The following TRAM2 variants were observed in gnomAD, a reference collection of about 807,000 sequenced individuals.
TRAM2 encodes the protein translocation associated membrane protein 2, also known as translocating chain-associated membrane protein 2.
TRAM2 carries 12 observed loss-of-function variants against 51.0 expected under a neutral mutation model. The observed-to-expected ratio is 0.24, with a 90% CI of 0.15 to 0.38. TRAM2 has a LOEUF of 0.38. Ranked by LOEUF, TRAM2 falls within the 10% of genes least tolerant of loss-of-function variation. TRAM2 has a pLI of 1.00. For missense variants in TRAM2, 361 were observed against 462.0 expected (o/e 0.78, Z 2.00); for synonymous variants, 175 against 179.4 (o/e 0.98, Z 0.20).
chr6:52,543,545 A>T (rs1767142683), intron 1 of TRAM2, among the ~76,000 whole-genome samples: 1 of 152,208 alleles, frequency 6.6e-6, no homozygotes, highest in African/African-American at 2.4e-5. Context: ...TAACATAAAA[A>T]AGAAAGGATT....
At chr6:52,546,109 G>C (rs779459792) in intron 1 of TRAM2, among the ~76,000 whole-genome samples, 3 of 152,134 alleles carry the variant, frequency 2.0e-5, no homozygotes, top group Non-Finnish European at 4.4e-5. Context: ...CACCAGCAAC[G>C]TTCTACCTGA....
At chr6:52,549,787 C>T (rs952805375) in intron 1 of TRAM2, among the ~76,000 whole-genome samples, 5 of 152,108 alleles carry the variant, frequency 3.3e-5, no homozygotes, top group Non-Finnish European at 4.4e-5. Flanking sequence ...GCATTTAATG[C>T]GCCATCACTT....
chr6:52,570,747 A>C (rs1767662425), intron 1 of TRAM2, among the ~76,000 whole-genome samples: 2 of 151,040 alleles, frequency 1.3e-5, no homozygotes, highest in Admixed American at 6.6e-5. Flanking sequence ...GGGCTCCTAC[A>C]AACTCACCAG....
intron 1 of TRAM2, among the ~76,000 whole-genome samples, chr6:52,549,546 C>A (rs370580995): frequency 1.3e-5 from 2 of 152,182 alleles, no homozygotes; most frequent in Non-Finnish European, 2.9e-5. Context: ...CTAACAAATA[C>A]GGGAGTCCAA....
rs1191515040 is a variant in TRAM2, at chr6:52,497,975, GCC to G, written c.*5220_*5221del. ...GTGACGGTGATGTCATGGGCACCACGCCAATCTTATTCCTGGACAATGACTTA... is the reference window on the plus strand; with the variant it reads ...GTGACGGTGATGTCATGGGCACCACGAATCTTATTCCTGGACAATGACTTA... On this transcript the variant is annotated 3_prime_UTR_variant, in exon 11 of 11. Coordinates refer to ENST00000182527, the MANE Select transcript of TRAM2 (RefSeq NM_012288.4). 1 of 152,170 alleles carries G rather than the reference GCC, an allele frequency of 6.6e-6. No homozygotes were observed. Among genetic ancestry groups the G allele is most frequent in the Admixed American group, 6.5e-5 (1 of 15,284 alleles). 9.4% of individuals were successfully genotyped at this position (152,170 alleles called of 1,614,324 possible). A position where few individuals can be genotyped will look rare whatever the true frequency, so the allele number is the denominator to read the frequency against.
intron 7 of TRAM2, among the ~76,000 whole-genome samples, chr6:52,506,795 C>T (rs1187796930): frequency 6.6e-6 from 1 of 152,200 alleles, no homozygotes; most frequent in Non-Finnish European, 1.5e-5. Context: ...AGTTTGAGAG[C>T]TCCTTCCCTG....
intron 3 of TRAM2, chr6:52,516,425 AAT>A (rs1359400825): frequency 1.7e-6 from 1 of 604,746 alleles, no homozygotes; most frequent in Non-Finnish European, 2.9e-6. Context: ...CTGTGTAATA[AAT>A]ACTGCTGTCC....
intron 4 of TRAM2, among the ~76,000 whole-genome samples, chr6:52,511,557 C>A (rs77666422): frequency 1.3e-3 from 196 of 152,284 alleles, no homozygotes; most frequent in African/African-American, 4.2e-3. Flanking sequence ...GGATTAAAGG[C>A]AGAGGTTTTA....
intron 1 of TRAM2, among the ~76,000 whole-genome samples, chr6:52,542,044 AAAGCC>A (rs1207020940): frequency 6.6e-6 from 1 of 152,112 alleles, no homozygotes; most frequent in African/African-American, 2.4e-5. Context: ...AACACAGGGT[AAAGCC>A]AAGTGACAGG....
intron 2 of TRAM2, among the ~76,000 whole-genome samples, chr6:52,521,069 AT>A (rs776432117): frequency 9.7e-4 from 141 of 145,732 alleles, no homozygotes; most frequent in Middle Eastern, 3.6e-3. Flanking sequence ...GTTCCGGCAA[AT>A]TTTTTTTTTT....
chr6:52,576,105 T>G (rs1767760037), intron 1 of TRAM2, among the ~76,000 whole-genome samples: 1 of 152,112 alleles, frequency 6.6e-6, no homozygotes, highest in Non-Finnish European at 1.5e-5. Context: ...GTCTCTCTTC[T>G]TGTCTCTGTA....
At chr6:52,558,175 G>A (rs2268713) in intron 1 of TRAM2, among the ~76,000 whole-genome samples, 30,605 of 152,036 alleles carry the variant, frequency 0.2, 4,043 homozygotes, top group Non-Finnish European at 0.29. Flanking sequence ...TGGCCTCCCC[G>A]GGGTTCTGGG....
chr6:52,508,248 G>A lies in TRAM2; in HGVS notation c.541C>T (p.Gln181Ter). The A allele has an allele frequency of 1.2e-6, 2 of 1,614,070 alleles. No individual in the cohort carries two copies. The highest frequency in any genetic ancestry group is 1.7e-6 in the Non-Finnish European group (2 of 1,180,002). Residue 181 changes from glutamine (Q) to a stop codon, truncating the protein, a stop_gained, in exon 6 of 11, where the codon CAG becomes TAG. Transcript: ENST00000182527. LOFTEE classifies it high-confidence loss of function. The stretch of plus-strand genomic sequence containing the variant: ...TGAGCACTCACCTTCCGTACCTTCT[G>A]GAAGTATAGCTCAGGAAGTGCGTGC... ...WLHALPELYF[Q>*]KVRKEEIPRQ...
At chr6:52,549,676 G>C (rs1476650741) in intron 1 of TRAM2, among the ~76,000 whole-genome samples, 3 of 152,126 alleles carry the variant, frequency 2.0e-5, no homozygotes, top group African/African-American at 7.2e-5. Context: ...AACTCCTCTT[G>C]GTCCCTGAGG....
At chr6:52,504,180 G>C (rs1766295987) in intron 10 of TRAM2, among the ~76,000 whole-genome samples, 1 of 152,218 alleles carries the variant, frequency 6.6e-6, no homozygotes, top group Non-Finnish European at 1.5e-5. Flanking sequence ...CAGCAAGCTG[G>C]GAGGCAGGGG....
At chr6:52,562,130 C>T (rs1263346412) in intron 1 of TRAM2, among the ~76,000 whole-genome samples, 1 of 151,918 alleles carries the variant, frequency 6.6e-6, no homozygotes, top group Non-Finnish European at 1.5e-5. Context: ...TTCCACTTTA[C>T]CACTCATGTA....
intron 2 of TRAM2, among the ~76,000 whole-genome samples, chr6:52,530,746 C>T (rs1196311569): frequency 6.6e-6 from 1 of 152,104 alleles, no homozygotes; most frequent in Admixed American, 6.5e-5. Context: ...CCCGTGGTCT[C>T]GGGATTCTAG....
intron 1 of TRAM2, 122 bp downstream of exon 1, chr6:52,576,674 A>G: frequency 7.5e-7 from 1 of 1,340,732 alleles, no homozygotes; most frequent in Non-Finnish European, 1.0e-6. Flanking sequence ...CGGGGTGCAG[A>G]TAACGTACAC....
At chr6:52,575,235 G>A (rs375971245) in intron 1 of TRAM2, among the ~76,000 whole-genome samples, 1 of 152,162 alleles carries the variant, frequency 6.6e-6, no homozygotes, top group African/African-American at 2.4e-5. Flanking sequence ...TTTTATGAAC[G>A]TCTTTAATGA....
Sources: allele counts gnomAD v4.1 joint callset (sites outside exome capture counted in the v4.1 genomes callset), GRCh38; gene constraint gnomAD v4.1.1; transcripts MANE v1.5; gene names NCBI Gene and HGNC (gene_info 2026-07-23, HGNC 2026-07-21).